Variants in PCDHGA5 observed in about 807,000 individuals in gnomAD.
The protein encoded by PCDHGA5 is protocadherin gamma subfamily A, 5, also known as protocadherin gamma-A5.
A neutral mutation model predicts 56.7 loss-of-function variants in PCDHGA5; 36 were observed. The ratio of observed to expected loss-of-function variants is 0.64; its 90% CI spans 0.49 to 0.84. The LOEUF is 0.84. Ranked by LOEUF, PCDHGA5 falls within the 40% of genes least tolerant of loss-of-function variation. The pLI, the probability that PCDHGA5 is intolerant of heterozygous loss-of-function variation, is 0.00. For synonymous variants in PCDHGA5, 563 were observed against 520.2 expected, an observed-to-expected ratio of 1.08 and a Z score of -1.12; for missense variants, 1,305 against 1,201.5, an observed-to-expected ratio of 1.09 and a Z score of -1.27.
intron 1 of PCDHGA5, chr5:141,403,630 G>A (rs2094436948): frequency 3.1e-6 from 5 of 1,613,786 alleles, no homozygotes; most frequent in Middle Eastern, 3.3e-4. Flanking sequence ...CCAGCACAGT[G>A]CGCATCCATG....
chr5:141,393,712 A>G, intron 1 of PCDHGA5: 1 of 1,613,874 alleles, frequency 6.2e-7, no homozygotes, highest in Non-Finnish European at 8.5e-7. Flanking sequence ...AATACTGGGG[A>G]AATATCAATA....
Position 141,364,913 on chromosome 5 carries a change from G to C in PCDHGA5, c.583G>C (p.Val195Leu). 5 of 1,613,990 alleles carry C rather than the reference G, an allele frequency of 3.1e-6. No homozygotes were observed. The highest frequency in any genetic ancestry group is 4.2e-6 in the Non-Finnish European group (5 of 1,179,900). ...GTDGQKYPEL[V>L]LEQPLDREKE... Reference sequence around the variant, plus strand: ...TGATGGACAAAAGTATCCGGAGCTGGTGTTGGAACAGCCCCTAGACCGCGA... The same window carrying C: ...TGATGGACAAAAGTATCCGGAGCTGCTGTTGGAACAGCCCCTAGACCGCGA... The change falls in exon 1 of 4, where the codon GTG (valine) becomes CTG (leucine). Residue 195 changes from valine to leucine, a missense_variant. Transcript: ENST00000518069.
At chr5:141,394,915 C>T in intron 1 of PCDHGA5, 1 of 1,613,774 alleles carries the variant, frequency 6.2e-7, no homozygotes, top group Non-Finnish European at 8.5e-7. Flanking sequence ...GCTGCCATCT[C>T]CTGTGTCTTC....
In PCDHGA5 at chr5:141,486,705, A is replaced by T. The variant is rs2099633722; in HGVS notation, c.2422-8102A>T. On this transcript the variant is annotated intron_variant, in intron 1 of 3. Transcript: ENST00000518069. This position sits in a 1 kb window ranked among gnomAD's most constrained non-coding sequence, Gnocchi z 5.0. ...TCAGCTTCCTCTTTCATCTCTCTGA[A>T]CCCCCAGACAGGAGCTGTTCATGCT... The T allele has an allele frequency of 6.2e-7, 1 of 1,613,844 alleles. No individual in the cohort carries two copies. The highest frequency in any genetic ancestry group is 1.3e-5 in the African/African-American group (1 of 74,910).
At chr5:141,385,414 A>G in intron 1 of PCDHGA5, 1 of 1,472,092 alleles carries the variant, frequency 6.8e-7, no homozygotes. Context: ...GAAAATAGGG[A>G]TTTAAAAAAC....
rs1025148587 is a variant in PCDHGA5 at position 141,431,434 on chromosome 5, C to A, written c.2422-63373C>A. ...GGGGCGACCCGGTGCGCACAGGCAC[C>A]GCGCGCATCCGCGTGATGGTTCTGG... On this transcript the variant is annotated intron_variant, in intron 1 of 3. Transcript: ENST00000518069. This position sits in a 1 kb window ranked among gnomAD's most constrained non-coding sequence, Gnocchi z 4.8. 1.2e-6 allele frequency: 2 copies of A among 1,613,690 alleles called. No homozygotes were observed. Among genetic ancestry groups the A allele is most frequent in the Admixed American group, 1.7e-5 (1 of 60,014 alleles).
intron 1 of PCDHGA5, chr5:141,412,235 A>T (rs2095544372): frequency 6.6e-6 from 1 of 152,260 alleles, no homozygotes. Flanking sequence ...AAAAACCTAT[A>T]TCACTACATC....
intron 1 of PCDHGA5, chr5:141,427,298 G>C (rs960474831): frequency 4.4e-6 from 2 of 456,752 alleles, no homozygotes; most frequent in East Asian, 1.4e-4. Context: ...TCCTAGATGA[G>C]AATGACAATG....
At chr5:141,465,730 T>G (rs1373873081) in intron 1 of PCDHGA5, among the ~76,000 whole-genome samples, 2 of 152,186 alleles carry the variant, frequency 1.3e-5, no homozygotes, top group Non-Finnish European at 2.9e-5. Context: ...CCTCTTGTGC[T>G]TTGTTTTCAG....
At chr5:141,482,530 C>CAAAAAAAAAAAA (rs3074545) in intron 1 of PCDHGA5, among the ~76,000 whole-genome samples, 11 of 76,552 alleles carry the variant, frequency 1.4e-4, no homozygotes, top group African/African-American at 2.9e-4. Flanking sequence ...GACAGACATG[C>CAAAAAAAAAAAA]AAAAAAAAAA....
Position 141,489,427 on chromosome 5 carries a change from C to A in PCDHGA5, c.2422-5380C>A. ...AAAGATGACAGATCTGTTGAGCCGG[C>A]GGCTGCAATTGGGCTCTGAGGAGAA... On this transcript the variant is annotated intron_variant, in intron 1 of 3. Coordinates refer to ENST00000518069, the MANE Select transcript of PCDHGA5 (RefSeq NM_018918.3). This position sits in a 1 kb window ranked among gnomAD's most constrained non-coding sequence, Gnocchi z 4.5. The A allele has an allele frequency of 6.2e-7, 1 of 1,614,108 alleles. No individual in the cohort carries two copies. The highest frequency in any genetic ancestry group is 1.1e-5 in the South Asian group (1 of 91,086).
At position 141,489,264 on chromosome 5, in the gene PCDHGA5, G is replaced by T. The variant is rs1314393358; in HGVS notation, c.2422-5543G>T. 10 of 1,553,088 alleles carry T rather than the reference G, an allele frequency of 6.4e-6. No individual in the cohort carries two copies. Among genetic ancestry groups the T allele is most frequent in the Non-Finnish European group, 7.0e-6 (8 of 1,149,620 alleles). ...TCATGGGGCCCAAGACACTCCCACA[G>T]CTCGCTGGGAAATGGCAAGTGCTGT... On this transcript the variant is annotated intron_variant, in intron 1 of 3. Transcript: ENST00000518069. The surrounding 1 kb of genome is among the most constrained non-coding windows in gnomAD (Gnocchi z 4.5).
chr5:141,393,452 G>T lies in PCDHGA5; in HGVS notation c.2421+26701G>T, dbSNP rs189963623. 9.0e-3 allele frequency: 14,601 copies of T among 1,614,028 alleles called. 101 individuals are homozygous for T. The highest frequency in any genetic ancestry group is 0.01 in the Non-Finnish European group (11,851 of 1,179,906). ...AGGCTGCTCACCACCTGGTCCTCACGGCCTCGGATGGCGGCAAGCCGCCTC... is the reference window on the plus strand; with the variant it reads ...AGGCTGCTCACCACCTGGTCCTCACTGCCTCGGATGGCGGCAAGCCGCCTC... On this transcript the variant is annotated intron_variant, in intron 1 of 3. Coordinates refer to ENST00000518069, the MANE Select transcript of PCDHGA5 (RefSeq NM_018918.3).
At chr5:141,381,854 A>T (rs1588908690) in intron 1 of PCDHGA5, among the ~76,000 whole-genome samples, 9 of 54,602 alleles carry the variant, frequency 1.6e-4, no homozygotes, top group South Asian at 5.1e-4. Context: ...TTTTTGGCAG[A>T]GTTTTGCTCT....
chr5:141,398,408 A>G (rs2093653088), intron 1 of PCDHGA5: 1 of 1,473,232 alleles, frequency 6.8e-7, no homozygotes, highest in African/African-American at 1.4e-5. Flanking sequence ...GACAGGGAGG[A>G]GATATGCGGG....
intron 1 of PCDHGA5, chr5:141,374,378 A>C: frequency 6.2e-7 from 1 of 1,614,038 alleles, no homozygotes; most frequent in Non-Finnish European, 8.5e-7. Context: ...CTGTGCTCAG[A>C]GCCCGCGGTG....
intron 1 of PCDHGA5, among the ~76,000 whole-genome samples, chr5:141,381,922 C>A (rs1777762962): frequency 6.9e-6 from 1 of 145,556 alleles, no homozygotes. Context: ...CTCCACCTCC[C>A]GGGTTCAAGC....
intron 1 of PCDHGA5, among the ~76,000 whole-genome samples, chr5:141,406,263 TC>T (rs1163660392): frequency 3.9e-5 from 6 of 151,964 alleles, no homozygotes; most frequent in Non-Finnish European, 8.8e-5. Flanking sequence ...CAAACGATCT[TC>T]CTGCTTCAGT....
In PCDHGA5 at chr5:141,490,490, C is replaced by A. The variant is rs886264588; in HGVS notation, c.2422-4317C>A. The A allele has an allele frequency of 1.2e-6, 2 of 1,614,184 alleles. No individual in the cohort carries two copies. Among genetic ancestry groups the A allele is most frequent in the Non-Finnish European group, 1.7e-6 (2 of 1,180,028 alleles). ...AGCCAGCCTTTGGACCGGGAGGCCA[C>A]ATCCCACTATATCATCGAGCTGCTG... On this transcript the variant is annotated intron_variant, in intron 1 of 3. Transcript: ENST00000518069. The surrounding 1 kb of genome is among the most constrained non-coding windows in gnomAD (Gnocchi z 5.4).
Sources: gnomAD v4.1 joint callset for allele counts (sites outside exome capture counted in the v4.1 genomes callset) on GRCh38, gnomAD v4.1.1 for gene constraint, Gnocchi (gnomAD v3.1) non-coding constraint, MANE v1.5 for transcripts, NCBI Gene and HGNC (gene_info 2026-07-23, HGNC 2026-07-21) for gene names.